Variants in ST8SIA4 observed in about 807,000 individuals in gnomAD.
ST8SIA4 encodes ST8 alpha-N-acetyl-neuraminide alpha-2,8-sialyltransferase 4, also known as CMP-N-acetylneuraminate-poly-alpha-2,8-sialyltransferase.
In ST8SIA4, 15 loss-of-function variants were observed where a neutral mutation model predicts 33.9. The ratio of observed to expected loss-of-function variants is 0.44; its 90% CI spans 0.30 to 0.68. The LOEUF (loss-of-function observed/expected upper bound fraction) is 0.68, where lower values mean the gene tolerates loss of function less well. Ranked by LOEUF, ST8SIA4 falls within the 30% of genes least tolerant of loss-of-function variation. The pLI is 0.10. For missense variants in ST8SIA4, 321 were observed against 428.0 expected (o/e 0.75, Z 2.21); for synonymous variants, 171 against 151.2 (o/e 1.13, Z -0.96).
At position 100,841,767 on chromosome 5, in the gene ST8SIA4, T is replaced by C. The variant is rs184657664; in HGVS notation, c.797+14336A>G. On this transcript the variant is annotated intron_variant, in intron 4 of 4. Transcript: ENST00000231461. Reference sequence around the variant, plus strand: ...ACTGTAAATTCTTAGCCTATACTTTTAGCTGATCTTTAATACTGTTTGGAA... The same window carrying C: ...ACTGTAAATTCTTAGCCTATACTTTCAGCTGATCTTTAATACTGTTTGGAA... 1.3e-4 allele frequency among the ~76,000 whole-genome samples: 20 copies of C among 152,056 alleles called. No homozygotes were observed. In the East Asian group the frequency reaches 3.3e-3, roughly 25 times the overall value.
At chr5:100,878,101 G>A (rs539843608) in intron 3 of ST8SIA4, among the ~76,000 whole-genome samples, 13 of 152,178 alleles carry the variant, frequency 8.5e-5, no homozygotes, top group African/African-American at 3.1e-4. Flanking sequence ...ATATTCTTAG[G>A]AGTGGCCTAA....
intron 2 of ST8SIA4, among the ~76,000 whole-genome samples, chr5:100,886,817 T>G (rs1490301502): frequency 6.6e-6 from 1 of 152,122 alleles, no homozygotes; most frequent in Non-Finnish European, 1.5e-5. Context: ...GCACAGATTC[T>G]TAATGACTGT....
intron 3 of ST8SIA4, among the ~76,000 whole-genome samples, chr5:100,881,827 C>T (rs940956808): frequency 6.6e-6 from 1 of 152,162 alleles, no homozygotes; most frequent in Non-Finnish European, 1.5e-5. Flanking sequence ...AGGGTTTCCG[C>T]TTTTGCATCT....
chr5:100,898,671 G>T (rs1417969362), intron 1 of ST8SIA4, among the ~76,000 whole-genome samples: 2 of 152,056 alleles, frequency 1.3e-5, no homozygotes, highest in Admixed American at 1.3e-4. Context: ...GGGTCCCATG[G>T]GATGTTTCAC....
At chr5:100,849,300 G>A in intron 4 of ST8SIA4, 5 of 985,314 alleles carry the variant, frequency 5.1e-6, no homozygotes, top group Middle Eastern at 5.2e-4. Flanking sequence ...TGACACTCAA[G>A]GATTTAAACA....
intron 4 of ST8SIA4, among the ~76,000 whole-genome samples, chr5:100,841,834 CA>C (rs1751477460): frequency 6.6e-6 from 1 of 151,836 alleles, no homozygotes; most frequent in Non-Finnish European, 1.5e-5. Context: ...TTACATGTCC[CA>C]TCCACCAGAG....
chr5:100,847,281 T>C (rs926535204), intron 4 of ST8SIA4, among the ~76,000 whole-genome samples: 18 of 152,186 alleles, frequency 1.2e-4, no homozygotes, highest in East Asian at 1.9e-4. Context: ...AAATTGCTTT[T>C]CCTTATGTGA....
intron 3 of ST8SIA4, among the ~76,000 whole-genome samples, chr5:100,881,405 A>G (rs1042996404): frequency 6.6e-6 from 1 of 152,216 alleles, no homozygotes; most frequent in African/African-American, 2.4e-5. Context: ...GGAAATACCA[A>G]TGAGAGAAAA....
rs745519492 is a variant in ST8SIA4 at position 100,895,723 on chromosome 5, G to A, written c.176C>T (p.Ala59Val). 1.2e-5 allele frequency: 20 copies of A among 1,612,786 alleles called. No homozygotes were observed. The highest frequency in any genetic ancestry group is 1.7e-5 in the Admixed American group (1 of 59,966). ...VNSSDKIIRK[A>V]GSSIFQHNVE... ...ATTGTGCTGGAAGATTGAAGAGCCA[G>A]CCTTTCGAATGATTTTATCAGAGCT... Residue 59 changes from alanine (A) to valine (V), a missense_variant, in exon 2 of 5, where the codon GCT (alanine) becomes GTT (valine). Transcript: ENST00000231461.
chr5:100,877,188 C>T (rs771681568), intron 3 of ST8SIA4, among the ~76,000 whole-genome samples: 27 of 152,182 alleles, frequency 1.8e-4, no homozygotes, highest in Middle Eastern at 3.4e-3. Context: ...GTAAAACCAA[C>T]CATCCAACAA....
At chr5:100,816,549 T>G in intron 4 of ST8SIA4, 1 of 524,234 alleles carries the variant, frequency 1.9e-6, no homozygotes, top group South Asian at 1.5e-5. Flanking sequence ...CTGCAATTAA[T>G]TTTATACCAA....
At chr5:100,898,810 T>C (rs1026813706) in intron 1 of ST8SIA4, among the ~76,000 whole-genome samples, 1 of 152,230 alleles carries the variant, frequency 6.6e-6, no homozygotes, top group Non-Finnish European at 1.5e-5. Flanking sequence ...ACAGCTGCAC[T>C]GAAAACATTT....
chr5:100,875,383 G>C (rs569706917), intron 3 of ST8SIA4, among the ~76,000 whole-genome samples: 1 of 152,138 alleles, frequency 6.6e-6, no homozygotes, highest in Non-Finnish European at 1.5e-5. Flanking sequence ...CTAAAGATTA[G>C]TAACCTAATT....
At chr5:100,853,029 T>G (rs993997370) in intron 4 of ST8SIA4, among the ~76,000 whole-genome samples, 1 of 152,160 alleles carries the variant, frequency 6.6e-6, no homozygotes, top group African/African-American at 2.4e-5. Context: ...GGCAACCAAC[T>G]CCAGTAATCA....
chr5:100,853,167 T>C (rs1367399069), intron 4 of ST8SIA4, among the ~76,000 whole-genome samples: 1 of 152,222 alleles, frequency 6.6e-6, no homozygotes, highest in Non-Finnish European at 1.5e-5. Flanking sequence ...TTTGCTTTCA[T>C]ATCACAAAAA....
At chr5:100,832,082 A>G (rs1173387197) in intron 4 of ST8SIA4, among the ~76,000 whole-genome samples, 1 of 152,208 alleles carries the variant, frequency 6.6e-6, no homozygotes, top group Admixed American at 6.5e-5. Flanking sequence ...CTCTACATAG[A>G]TACTAAATAT....
chr5:100,843,274 A>G (rs1751505680), intron 4 of ST8SIA4, among the ~76,000 whole-genome samples: 1 of 152,040 alleles, frequency 6.6e-6, no homozygotes, highest in Non-Finnish European at 1.5e-5. Flanking sequence ...GAAAAGCAAT[A>G]TAGACCATAC....
chr5:100,849,541 G>A (rs1424070026), intron 4 of ST8SIA4: 3 of 803,298 alleles, frequency 3.7e-6, no homozygotes, highest in African/African-American at 1.9e-5. Flanking sequence ...CCGCACTTTG[G>A]GAGGCTAAGG....
intron 4 of ST8SIA4, among the ~76,000 whole-genome samples, chr5:100,817,428 C>T (rs1039444492): frequency 6.6e-6 from 1 of 151,944 alleles, no homozygotes; most frequent in Non-Finnish European, 1.5e-5. Flanking sequence ...TTTTGAGATT[C>T]CATCATTCAC....
Sources: gnomAD v4.1 joint callset for allele counts (sites outside exome capture counted in the v4.1 genomes callset) on GRCh38, gnomAD v4.1.1 for gene constraint, MANE v1.5 for transcripts, NCBI Gene and HGNC (gene_info 2026-07-23, HGNC 2026-07-21) for gene names.